OSBPL3: variants seen among roughly 807,000 people sequenced by gnomAD.
OSBPL3 encodes oxysterol-binding protein-related protein 3.
A neutral mutation model predicts 120.1 loss-of-function variants in OSBPL3; 65 were observed. That is an observed-to-expected ratio of 0.54 (90% CI 0.44 to 0.67). The LOEUF (loss-of-function observed/expected upper bound fraction) is 0.67, where lower values mean the gene tolerates loss of function less well. Ranked by LOEUF, OSBPL3 falls within the 30% of genes least tolerant of loss-of-function variation. OSBPL3 has a pLI of 0.00. For missense variants in OSBPL3, 1,004 were observed against 1,082.1 expected (o/e 0.93, Z 1.01); for synonymous variants, 416 against 402.6 (o/e 1.03, Z -0.40).
At chr7:24,810,528 A>G (rs1793659416) in intron 19 of OSBPL3, among the ~76,000 whole-genome samples, 1 of 152,142 alleles carries the variant, frequency 6.6e-6, no homozygotes, top group Non-Finnish European at 1.5e-5. Flanking sequence ...CGTCTCAAAA[A>G]CAAAACAAAA....
intron 22 of OSBPL3, among the ~76,000 whole-genome samples, chr7:24,800,624 T>C (rs941215327): frequency 4.6e-5 from 7 of 151,830 alleles, no homozygotes; most frequent in African/African-American, 1.7e-4. Context: ...GCCCGACTAA[T>C]TTTTGTATTT....
At chr7:24,957,611 TG>T (rs1427439931) in intron 1 of OSBPL3, among the ~76,000 whole-genome samples, 1 of 152,238 alleles carries the variant, frequency 6.6e-6, no homozygotes, top group African/African-American at 2.4e-5. Flanking sequence ...ATACACTTAA[TG>T]TTCTCTAATA....
At chr7:24,884,142 C>T (rs17150421) in intron 2 of OSBPL3, among the ~76,000 whole-genome samples, 25,036 of 152,042 alleles carry the variant, frequency 0.16, 2,182 homozygotes, top group African/African-American at 0.21. Flanking sequence ...CTTCAATCAT[C>T]CACGTTCTTC....
intron 1 of OSBPL3, among the ~76,000 whole-genome samples, chr7:24,958,908 T>C (rs1409749754): frequency 6.6e-6 from 1 of 152,214 alleles, no homozygotes; most frequent in Non-Finnish European, 1.5e-5. Context: ...TCATCTTTTC[T>C]CTAAGTTTTT....
At chr7:24,954,407 T>A (rs1342623814) in intron 1 of OSBPL3, among the ~76,000 whole-genome samples, 1 of 152,212 alleles carries the variant, frequency 6.6e-6, no homozygotes, top group East Asian at 1.9e-4. Flanking sequence ...TTGTTATAGC[T>A]ACTCTTATGC....
intron 19 of OSBPL3, among the ~76,000 whole-genome samples, chr7:24,810,529 C>T (rs1268183335): frequency 6.6e-6 from 1 of 151,968 alleles, no homozygotes; most frequent in East Asian, 1.9e-4. Flanking sequence ...GTCTCAAAAA[C>T]AAAACAAAAC....
rs1034658176 is a variant in OSBPL3, at chr7:24,968,254, G to C, written c.-150+11632C>G. Among the ~76,000 whole-genome samples the C allele has an allele frequency of 6.6e-6, 1 of 152,184 alleles. No homozygotes were observed. The highest frequency in any genetic ancestry group is 2.4e-5 in the African/African-American group (1 of 41,458). On this transcript the variant is annotated intron_variant, in intron 1 of 22. Transcript: ENST00000313367. The surrounding 1 kb of genome is among the most constrained non-coding windows in gnomAD (Gnocchi z 4.6). Reference sequence around the variant, plus strand: ...AAAACAAAAACAAAAATGTCCTCATGTGTTATGTTTCCTGATTTCCATGGT... The same window carrying C: ...AAAACAAAAACAAAAATGTCCTCATCTGTTATGTTTCCTGATTTCCATGGT...
rs1584171311 is a variant in OSBPL3, at chr7:24,804,788, T to A, written c.2445-351A>T. ...GATTCTTCATGTGTATATAAACAAA[T>A]ATTAACACATATTCTTATCCCTCCC... On this transcript the variant is annotated intron_variant, in intron 21 of 22. Transcript: ENST00000313367. This position sits in a 1 kb window ranked among gnomAD's most constrained non-coding sequence, Gnocchi z 5.4. Among the ~76,000 whole-genome samples, 2 of 152,328 alleles carry A rather than the reference T, an allele frequency of 1.3e-5. No homozygotes were observed.
At chr7:24,909,241 T>C (rs1808415595) in intron 1 of OSBPL3, among the ~76,000 whole-genome samples, 1 of 152,220 alleles carries the variant, frequency 6.6e-6, no homozygotes, top group South Asian at 2.1e-4. Context: ...TCTCGAGTTT[T>C]AATGTGGTTC....
chr7:24,822,845 T>C lies in OSBPL3; in HGVS notation c.1885-2607A>G, dbSNP rs1426401471. On this transcript the variant is annotated intron_variant, in intron 16 of 22. Transcript: ENST00000313367. The surrounding 1 kb of genome is among the most constrained non-coding windows in gnomAD (Gnocchi z 5.8). ...TTTTTTAAACTATTGTGTTAGATAATGAATGAATGTTTAGCAGATTATGTT... is the reference window on the plus strand; with the variant it reads ...TTTTTTAAACTATTGTGTTAGATAACGAATGAATGTTTAGCAGATTATGTT... 2.0e-5 allele frequency among the ~76,000 whole-genome samples: 3 copies of C among 152,198 alleles called. No homozygotes were observed. Among genetic ancestry groups the C allele is most frequent in the Non-Finnish European group, 4.4e-5 (3 of 68,038 alleles).
intron 1 of OSBPL3, among the ~76,000 whole-genome samples, chr7:24,950,364 T>C (rs1214723821): frequency 6.6e-6 from 1 of 152,108 alleles, no homozygotes; most frequent in Non-Finnish European, 1.5e-5. Context: ...ATCCAAGAAA[T>C]ATAGAAAGAG....
At chr7:24,895,452 T>C (rs946508000) in intron 1 of OSBPL3, among the ~76,000 whole-genome samples, 1 of 152,194 alleles carries the variant, frequency 6.6e-6, no homozygotes, top group African/African-American at 2.4e-5. Context: ...TACTCTATGA[T>C]GTTCCCACAA....
chr7:24,922,395 AT>A lies in OSBPL3; in HGVS notation c.-149-29775del, dbSNP rs1308944404. On this transcript the variant is annotated intron_variant, in intron 1 of 22. Transcript: ENST00000313367. This position sits in a 1 kb window ranked among gnomAD's most constrained non-coding sequence, Gnocchi z 4.3. ...CCTTGATATTCTCAACCAGGGAACAATTCCCTCTCAGGGGAATTGTATGGCT... is the reference window on the plus strand; with the variant it reads ...CCTTGATATTCTCAACCAGGGAACAATCCCTCTCAGGGGAATTGTATGGCT... 6.6e-6 allele frequency among the ~76,000 whole-genome samples: 1 copy of A among 152,102 alleles called. No individual in the cohort carries two copies. Among genetic ancestry groups the A allele is most frequent in the African/African-American group, 2.4e-5 (1 of 41,422 alleles).
In OSBPL3 at chr7:24,855,965, G is replaced by T. The variant is rs562148100; in HGVS notation, c.1028-3331C>A. On this transcript the variant is annotated intron_variant, in intron 10 of 22. Coordinates refer to ENST00000313367, the MANE Select transcript of OSBPL3 (RefSeq NM_015550.4). The surrounding 1 kb of genome is among the most constrained non-coding windows in gnomAD (Gnocchi z 4.3). The stretch of plus-strand genomic sequence containing the variant: ...CCCGCCAAATGGTCTGCTGGCCCAC[G>T]CTTGTCAGAGCACTTGCTATCTCCT... Among the ~76,000 whole-genome samples, 1 of 152,162 alleles carries T rather than the reference G, an allele frequency of 6.6e-6. No individual in the cohort carries two copies. Among genetic ancestry groups the T allele is most frequent in the South Asian group, 2.1e-4 (1 of 4,824 alleles).
At position 24,849,230 on chromosome 7, in the gene OSBPL3, G is replaced by A. The variant is rs1173035435; in HGVS notation, c.1159-54C>T. On this transcript the variant is annotated intron_variant, in intron 11 of 22. Transcript: ENST00000313367. This position sits in a 1 kb window ranked among gnomAD's most constrained non-coding sequence, Gnocchi z 5.4. Reference sequence around the variant, plus strand: ...GTTAATAAATGGATGTTTCAGAAAAGCACAGCAGTGGGCCCTGCAGGAGCG... The same window carrying A: ...GTTAATAAATGGATGTTTCAGAAAAACACAGCAGTGGGCCCTGCAGGAGCG... 7.4e-7 allele frequency: 1 copy of A among 1,355,952 alleles called. No individual in the cohort carries two copies. The highest frequency in any genetic ancestry group is 1.4e-5 in the African/African-American group (1 of 69,886). The allele number at this position is 1,355,952 out of a possible 1,614,324, so 84.0% of individuals were successfully genotyped here. A position where few individuals can be genotyped will look rare whatever the true frequency, so the allele number is the denominator to read the frequency against.
In OSBPL3 at chr7:24,797,488, T is replaced by G. The variant is rs2128080678; in HGVS notation, c.*2695A>C. The G allele has an allele frequency of 6.6e-6, 1 of 152,234 alleles. No homozygotes were observed. Among genetic ancestry groups the G allele is most frequent in the South Asian group, 2.1e-4 (1 of 4,822 alleles). 9.4% of individuals were successfully genotyped at this position (152,234 alleles called of 1,614,324 possible). ...TACATGGAGAAGCTGCATTGAGGCT[T>G]TTATTATTAATACCTATGACTCAAG... On this transcript the variant is annotated 3_prime_UTR_variant, in exon 23 of 23. Coordinates refer to ENST00000313367, the MANE Select transcript of OSBPL3 (RefSeq NM_015550.4). The surrounding 1 kb of genome is among the most constrained non-coding windows in gnomAD (Gnocchi z 4.8).
intron 1 of OSBPL3, among the ~76,000 whole-genome samples, chr7:24,927,236 A>G (rs1240575221): frequency 1.3e-5 from 2 of 152,208 alleles, no homozygotes; most frequent in Non-Finnish European, 2.9e-5. Flanking sequence ...AATTGACAAA[A>G]ACGAAGATAT....
intron 10 of OSBPL3, among the ~76,000 whole-genome samples, chr7:24,858,389 T>A (rs1376664530): frequency 6.6e-6 from 1 of 151,982 alleles, no homozygotes; most frequent in Non-Finnish European, 1.5e-5. Context: ...ATGCTTCGAG[T>A]TTGAATGTAT....
In OSBPL3 at chr7:24,803,952, T is replaced by C; in HGVS notation, c.2567+363A>G. ...ATGATCTCTGTCATGGTGTAAAACA[T>C]GCCTATGGGGGTGACCAACCTTAGC... On this transcript the variant is annotated intron_variant, in intron 22 of 22. Coordinates refer to ENST00000313367, the MANE Select transcript of OSBPL3 (RefSeq NM_015550.4). The surrounding 1 kb of genome is among the most constrained non-coding windows in gnomAD (Gnocchi z 4.2). 6.6e-6 allele frequency among the ~76,000 whole-genome samples: 1 copy of C among 152,186 alleles called. No individual in the cohort carries two copies. The highest frequency in any genetic ancestry group is 1.9e-4 in the East Asian group (1 of 5,198).
Sources: allele counts gnomAD v4.1 joint callset (sites outside exome capture counted in the v4.1 genomes callset), GRCh38; gene constraint gnomAD v4.1.1; non-coding constraint Gnocchi (gnomAD v3.1); transcripts MANE v1.5; gene names NCBI Gene and HGNC (gene_info 2026-07-23, HGNC 2026-07-21).